Variants in STAU1 observed in about 807,000 individuals in gnomAD.
STAU1 encodes double-stranded RNA-binding protein Staufen homolog 1.
Under a neutral mutation model 62.9 loss-of-function variants are expected in STAU1, and 13 were observed. The ratio of observed to expected loss-of-function variants is 0.21; its 90% CI spans 0.13 to 0.33. The LOEUF (loss-of-function observed/expected upper bound fraction) is 0.33. STAU1 is among the 10% of genes least tolerant of loss of function. STAU1 has a pLI of 1.00. For synonymous variants in STAU1, 269 were observed against 265.1 expected (o/e 1.01, Z -0.14); for missense variants, 571 against 712.1 (o/e 0.80, Z 2.25).
chr20:49,153,456 A>C (rs2093295776), intron 4 of STAU1, among the ~76,000 whole-genome samples: 1 of 151,110 alleles, frequency 6.6e-6, no homozygotes, highest in Non-Finnish European at 1.5e-5. Context: ...CTGTAATCCC[A>C]GCACTTTGGG....
rs189686361 is a variant in STAU1 at position 49,129,391 on chromosome 20, G to C, written c.610-4804C>G. Among the ~76,000 whole-genome samples, 301 of 143,954 alleles carry C rather than the reference G, an allele frequency of 2.1e-3. 1 individual carries two copies. Among genetic ancestry groups the C allele is most frequent in the African/African-American group, 7.6e-3 (286 of 37,554 alleles). 94.4% of individuals were successfully genotyped at this position (143,954 alleles called of 152,430 possible). ...CAACCTCTGCCTCCTGGGTTCAAGCGTTTCTCCTCCCTCAGCCCCCTGAGT... is the reference window on the plus strand; with the variant it reads ...CAACCTCTGCCTCCTGGGTTCAAGCCTTTCTCCTCCCTCAGCCCCCTGAGT... On this transcript the variant is annotated intron_variant, in intron 6 of 13. Transcript: ENST00000371856.
At chr20:49,176,205 G>A (rs1295339363) in intron 1 of STAU1, among the ~76,000 whole-genome samples, 5 of 152,084 alleles carry the variant, frequency 3.3e-5, no homozygotes, top group African/African-American at 7.2e-5. Context: ...CGTAAATGTC[G>A]TTGGCATATG....
intron 3 of STAU1, among the ~76,000 whole-genome samples, chr20:49,158,753 T>C (rs1174904135): frequency 6.6e-6 from 1 of 151,834 alleles, no homozygotes; most frequent in African/African-American, 2.4e-5. Flanking sequence ...GAGGTTGCAG[T>C]GAGCCAAGAT....
At chr20:49,116,248 C>T (rs552191569) in intron 12 of STAU1, among the ~76,000 whole-genome samples, 1 of 152,290 alleles carries the variant, frequency 6.6e-6, no homozygotes, top group African/African-American at 2.4e-5. Flanking sequence ...GATCCTTCCA[C>T]CTTGGCCTCC....
the STAU1 span, among the ~76,000 whole-genome samples, chr20:49,212,710 A>G: frequency 5.5e-5 from 8 of 145,668 alleles, no homozygotes; most frequent in African/African-American, 2.0e-4. Flanking sequence ...CCCAAGTTCA[A>G]GCAATTCTCC....
intron 5 of STAU1, among the ~76,000 whole-genome samples, chr20:49,147,338 T>G (rs1021042189): frequency 1.3e-5 from 2 of 152,236 alleles, no homozygotes; most frequent in African/African-American, 4.8e-5. Context: ...GCGCCTGGCA[T>G]GGAGGGCCCA....
At chr20:49,167,079 C>T (rs2093537023) in intron 2 of STAU1, among the ~76,000 whole-genome samples, 1 of 152,162 alleles carries the variant, frequency 6.6e-6, no homozygotes, top group Admixed American at 6.6e-5. Context: ...TTGTTTACTT[C>T]ATATTGTAAA....
At chr20:49,151,346 C>CA (rs1204490948) in intron 5 of STAU1, among the ~76,000 whole-genome samples, 1 of 152,170 alleles carries the variant, frequency 6.6e-6, no homozygotes, top group Non-Finnish European at 1.5e-5. Flanking sequence ...TCATGTCACT[C>CA]AAAACCATGC....
At chr20:49,124,294 T>A in intron 7 of STAU1, 81 bp downstream of exon 7, 1 of 1,456,936 alleles carries the variant, frequency 6.9e-7, no homozygotes, top group Non-Finnish European at 9.4e-7. Flanking sequence ...CCTTTCACCT[T>A]GGGGACAGCG....
intron 5 of STAU1, 65 bp downstream of exon 5, chr20:49,151,517 G>GT (rs2093248818): frequency 7.0e-7 from 1 of 1,427,746 alleles, no homozygotes; most frequent in South Asian, 1.7e-5. Flanking sequence ...ATAATGTGCG[G>GT]TGACATCTCC....
At chr20:49,193,433 G>C in the STAU1 span, among the ~76,000 whole-genome samples, 1 of 152,142 alleles carries the variant, frequency 6.6e-6, no homozygotes, top group African/African-American at 2.4e-5. Flanking sequence ...AGTTCTTTGG[G>C]AGGCCAATGC....
intron 4 of STAU1, among the ~76,000 whole-genome samples, chr20:49,152,281 C>T (rs1211633890): frequency 1.3e-5 from 2 of 151,748 alleles, no homozygotes; most frequent in Non-Finnish European, 2.9e-5. Flanking sequence ...ATGACTATCC[C>T]CCAACAGAGA....
chr20:49,195,839 G>GT, the STAU1 span, among the ~76,000 whole-genome samples: 1 of 140,462 alleles, frequency 7.1e-6, no homozygotes, highest in East Asian at 2.3e-4. Context: ...GGAGGCGGAG[G>GT]TTGCAGTGAG....
upstream of STAU1, among the ~76,000 whole-genome samples, chr20:49,189,868 C>G (rs984607066): frequency 2.6e-5 from 4 of 152,122 alleles, no homozygotes; most frequent in Non-Finnish European, 5.9e-5. Flanking sequence ...AAAATACGAG[C>G]TGCTGTGTCT....
chr20:49,169,478 T>C (rs760490780), intron 2 of STAU1, among the ~76,000 whole-genome samples: 5 of 152,238 alleles, frequency 3.3e-5, no homozygotes, highest in African/African-American at 9.6e-5. Context: ...TCAACAGTAC[T>C]GTCCTGAAGA....
chr20:49,160,200 G>A (rs1452661084), intron 3 of STAU1, among the ~76,000 whole-genome samples: 1 of 152,202 alleles, frequency 6.6e-6, no homozygotes. Context: ...AACAAGCTGA[G>A]ACTCAAACCT....
chr20:49,114,596 G>A lies in STAU1; in HGVS notation c.*282C>T. ...AGGGTGTGGATCTGCTGGTGTCCCG[G>A]GAGAACCAGCTGGCTGGGCAGCCCT... On this transcript the variant is annotated 3_prime_UTR_variant, in exon 14 of 14. Coordinates refer to ENST00000371856, the MANE Select transcript of STAU1 (RefSeq NM_017453.4). 2 of 429,140 alleles carry A rather than the reference G, an allele frequency of 4.7e-6. No individual in the cohort carries two copies. The allele number at this position is 429,140 out of a possible 1,614,324, so 26.6% of individuals were successfully genotyped here. A position where few individuals can be genotyped will look rare whatever the true frequency, so the allele number is the denominator to read the frequency against.
At chr20:49,156,760 A>G (rs1600772498) in intron 3 of STAU1, among the ~76,000 whole-genome samples, 1 of 152,140 alleles carries the variant, frequency 6.6e-6, no homozygotes, top group African/African-American at 2.4e-5. Flanking sequence ...TTCTATGGTC[A>G]TGGTTTAAGA....
At chr20:49,204,492 G>A in the STAU1 span, among the ~76,000 whole-genome samples, 43,310 of 147,520 alleles carry the variant, frequency 0.29, 7,579 homozygotes, top group Middle Eastern at 0.43. Flanking sequence ...ACCCAGGCTC[G>A]TTCTGAGGAT....
Sources: gnomAD v4.1 joint callset for allele counts (sites outside exome capture counted in the v4.1 genomes callset) on GRCh38, gnomAD v4.1.1 for gene constraint, MANE v1.5 for transcripts, NCBI Gene and HGNC (gene_info 2026-07-23, HGNC 2026-07-21) for gene names.